Variants in TLL1 observed in about 807,000 individuals in gnomAD.
TLL1 encodes tolloid-like protein 1.
TLL1 carries 49 observed loss-of-function variants against 128.2 expected under a neutral mutation model. That is an observed-to-expected ratio of 0.38 (90% CI 0.30 to 0.48). The LOEUF (loss-of-function observed/expected upper bound fraction) is 0.48. TLL1 is among the 20% of genes least tolerant of loss of function. The pLI is 0.96. For synonymous variants in TLL1, 454 were observed against 418.8 expected (o/e 1.08, Z -1.03); for missense variants, 1,123 against 1,242.0 (o/e 0.90, Z 1.44).
At chr4:166,067,280 A>T in intron 16 of TLL1, among the ~76,000 whole-genome samples, 1 of 151,870 alleles carries the variant, frequency 6.6e-6, no homozygotes, top group African/African-American at 2.4e-5. Context: ...CATGCTACAA[A>T]TACTGACTAC....
chr4:165,929,144 C>T (rs924743537), intron 1 of TLL1, among the ~76,000 whole-genome samples: 8 of 152,180 alleles, frequency 5.3e-5, no homozygotes, highest in Non-Finnish European at 1.2e-4. Flanking sequence ...CAATCAAATG[C>T]TGCTCAGCAT....
intron 1 of TLL1, among the ~76,000 whole-genome samples, chr4:165,931,718 C>CAAAAAAAAA (rs761214388): frequency 2.2e-5 from 3 of 133,540 alleles, no homozygotes; most frequent in East Asian, 4.5e-4. Context: ...GACTCTGTCT[C>CAAAAAAAAA]AAAAGAAAAA....
intron 9 of TLL1, among the ~76,000 whole-genome samples, chr4:166,036,879 T>G (rs1739028899): frequency 6.6e-6 from 1 of 152,024 alleles, no homozygotes; most frequent in African/African-American, 2.4e-5. Context: ...AATGCACTTT[T>G]TAATTTTGGA....
chr4:165,916,991 C>G (rs544485090), intron 1 of TLL1, among the ~76,000 whole-genome samples: 17 of 152,134 alleles, frequency 1.1e-4, no homozygotes, highest in African/African-American at 3.6e-4. Flanking sequence ...AACATTGAGG[C>G]AATTTTTGTG....
chr4:165,922,493 T>C (rs919021203), intron 1 of TLL1, among the ~76,000 whole-genome samples: 1 of 152,202 alleles, frequency 6.6e-6, no homozygotes, highest in Non-Finnish European at 1.5e-5. Flanking sequence ...TTTCTTCCCA[T>C]GTCTCTTTGT....
chr4:166,045,441 T>A (rs187999255), intron 12 of TLL1, among the ~76,000 whole-genome samples: 120 of 152,240 alleles, frequency 7.9e-4, no homozygotes, highest in Admixed American at 1.8e-3. Flanking sequence ...TATCAGTTGC[T>A]TTGTCTTCAA....
chr4:166,023,622 T>C (rs1738346921), intron 8 of TLL1, among the ~76,000 whole-genome samples: 1 of 152,236 alleles, frequency 6.6e-6, no homozygotes, highest in African/African-American at 2.4e-5. Flanking sequence ...TCACATTTAT[T>C]GAAGAAAATT....
At chr4:165,965,836 A>G (rs1307953636) in intron 1 of TLL1, among the ~76,000 whole-genome samples, 1 of 152,184 alleles carries the variant, frequency 6.6e-6, no homozygotes, top group Non-Finnish European at 1.5e-5. Context: ...TCTAGAGCAC[A>G]TCATAGTATT....
chr4:165,938,972 C>T (rs1349503968), intron 1 of TLL1, among the ~76,000 whole-genome samples: 4 of 151,570 alleles, frequency 2.6e-5, no homozygotes, highest in Admixed American at 1.3e-4. Context: ...AGATTGTTTT[C>T]GTGTTTCCTC....
chr4:165,953,028 C>A (rs1006425993), intron 1 of TLL1, among the ~76,000 whole-genome samples: 1 of 151,964 alleles, frequency 6.6e-6, no homozygotes, highest in Non-Finnish European at 1.5e-5. Flanking sequence ...TGTTTTCAAA[C>A]ACAAAACAAG....
At chr4:165,901,152 G>C (rs1363594755) in intron 1 of TLL1, among the ~76,000 whole-genome samples, 1 of 151,956 alleles carries the variant, frequency 6.6e-6, no homozygotes, top group African/African-American at 2.4e-5. Flanking sequence ...CTTTTTTCAA[G>C]GTTCTTAGTT....
chr4:166,099,593 T>C, intron 20 of TLL1, 66 bp downstream of exon 20: 1 of 1,599,286 alleles, frequency 6.3e-7, no homozygotes, highest in Non-Finnish European at 8.5e-7. Flanking sequence ...ATGATTGATA[T>C]GTGTACCATT....
At chr4:165,908,704 A>G (rs1449535438) in intron 1 of TLL1, among the ~76,000 whole-genome samples, 4 of 152,142 alleles carry the variant, frequency 2.6e-5, no homozygotes, top group Non-Finnish European at 5.9e-5. Context: ...TAGCTTTTTA[A>G]ATGGCTGAGA....
At position 165,947,959 on chromosome 4, in the gene TLL1, T is replaced by C. The variant is rs1355867719; in HGVS notation, c.170-41422T>C. Reference sequence around the variant, plus strand: ...TGAACCCTCAAATTCTACTGGTAAATAAAACTACTGATGAAACTCTTAGCT... The same window carrying C: ...TGAACCCTCAAATTCTACTGGTAAACAAAACTACTGATGAAACTCTTAGCT... On this transcript the variant is annotated intron_variant, in intron 1 of 20. Transcript: ENST00000061240. Among the ~76,000 whole-genome samples the C allele has an allele frequency of 2.0e-5, 3 of 152,110 alleles. No homozygotes were observed. The East Asian group carries it at 5.8e-4, about 29-fold the overall frequency.
chr4:166,100,401 C>A (rs1403315994), intron 20 of TLL1, among the ~76,000 whole-genome samples: 2 of 152,090 alleles, frequency 1.3e-5, no homozygotes, highest in Non-Finnish European at 2.9e-5. Context: ...CTCTGAACCT[C>A]ACTTTACTGA....
chr4:165,959,871 C>A (rs1271893472), intron 1 of TLL1, among the ~76,000 whole-genome samples: 1 of 152,074 alleles, frequency 6.6e-6, no homozygotes, highest in Non-Finnish European at 1.5e-5. Flanking sequence ...TAGTACTAAA[C>A]ACCTACCTCA....
At chr4:166,046,676 A>G (rs1453217080) in intron 12 of TLL1, among the ~76,000 whole-genome samples, 6 of 152,174 alleles carry the variant, frequency 3.9e-5, no homozygotes, top group Admixed American at 3.3e-4. Flanking sequence ...GTGTCAGATT[A>G]TCTTCGTTCA....
At chr4:166,027,344 G>A (rs1195072350) in intron 9 of TLL1, among the ~76,000 whole-genome samples, 2 of 152,110 alleles carry the variant, frequency 1.3e-5, no homozygotes, top group African/African-American at 4.8e-5. Flanking sequence ...ACTCTCATTA[G>A]CCGTGGTGGG....
Position 166,039,378 on chromosome 4 carries a change from A to G in TLL1, c.1198A>G (p.Ser400Gly), listed in dbSNP as rs1460424214. 1 of 1,613,510 alleles carries G rather than the reference A, an allele frequency of 6.2e-7. No individual in the cohort carries two copies. Among genetic ancestry groups the G allele is most frequent in the South Asian group, 1.1e-5 (1 of 91,070 alleles). The stretch of plus-strand genomic sequence containing the variant: ...TACAACGATGGATCTATACAAGAGT[A>G]GTTTGTGCTGGTATGACTATATTGA... ...NFTTMDLYKS[S>G]LCWYDYIEVR... Residue 400 changes from serine (S) to glycine (G), a missense_variant, in exon 10 of 21, where the codon AGT (serine) becomes GGT (glycine). By Grantham distance (56) the Ser-to-Gly change is moderately conservative (BLOSUM62 0). This residue lies in a region of TLL1 where 480 missense variants were observed against 542.4 expected (regional missense o/e 0.89). Coordinates refer to ENST00000061240, the MANE Select transcript of TLL1 (RefSeq NM_012464.5).
Sources: allele counts gnomAD v4.1 joint callset (sites outside exome capture counted in the v4.1 genomes callset), GRCh38; gene constraint gnomAD v4.1.1; regional missense constraint gnomAD v4.1.1; transcripts MANE v1.5; gene names NCBI Gene and HGNC (gene_info 2026-07-23, HGNC 2026-07-21).